UGGT1: variants seen among roughly 807,000 people sequenced by gnomAD.
UGGT1 encodes the protein UDP-glucose:glycoprotein glucosyltransferase 1.
Under a neutral mutation model 203.9 loss-of-function variants are expected in UGGT1, and 107 were observed. The observed-to-expected ratio is 0.52, with a 90% confidence interval of 0.45 to 0.62. The LOEUF is 0.62. Among genes scored for constraint, UGGT1 ranks in the 20% least tolerant of loss-of-function variants. The probability of loss-of-function intolerance (pLI) is 0.00; values close to 1 mark genes in which losing one functional copy is unlikely to be tolerated. For missense variants in UGGT1, 1,673 were observed against 1,867.2 expected (o/e 0.90, Z 1.92); for synonymous variants, 628 against 653.5 (o/e 0.96, Z 0.59).
intron 28 of UGGT1, 45 bp downstream of exon 28, chr2:128,171,329 A>AGAATAT (rs1218875403): frequency 1.9e-6 from 3 of 1,540,678 alleles, no homozygotes; most frequent in Non-Finnish European, 2.7e-6. Flanking sequence ...ATTGTACTGA[A>AGAATAT]TCCAAGTTCT....
chr2:128,131,639 G>A (rs1436607977), intron 13 of UGGT1, among the ~76,000 whole-genome samples: 1 of 151,752 alleles, frequency 6.6e-6, no homozygotes, highest in Admixed American at 6.6e-5. Flanking sequence ...GTTGCATTGC[G>A]TTGTGTTGCA....
chr2:128,173,687 C>A, intron 29 of UGGT1, 94 bp from the exon 30 acceptor site: 1 of 1,367,216 alleles, frequency 7.3e-7, no homozygotes, highest in Non-Finnish European at 1.0e-6. Flanking sequence ...TTATGTAAGT[C>A]CTTTTTGTCT....
chr2:128,091,407 C>T lies in UGGT1; in HGVS notation c.50C>T (p.Pro17Leu), dbSNP rs1244656802. The change falls in exon 1 of 41, where the codon CCG (proline) becomes CTG (leucine). Residue 17 changes from proline to leucine, a missense_variant. This residue lies in a region of UGGT1 where 83 missense variants were observed against 87.2 expected (regional missense o/e 0.95). Transcript: ENST00000259253. ...ASGACAAGAL[P>L]VTGVCYKMGV... ...GGTGCGTGTGCCGCGGGTGCGCTGCCGGTGACAGGTACCCAGGGGTGGCGT... is the reference window on the plus strand; with the variant it reads ...GGTGCGTGTGCCGCGGGTGCGCTGCTGGTGACAGGTACCCAGGGGTGGCGT... 9.5e-6 allele frequency: 15 copies of T among 1,581,636 alleles called. No individual in the cohort carries two copies. Among genetic ancestry groups the T allele is most frequent in the Non-Finnish European group, 1.3e-5 (15 of 1,163,968 alleles).
chr2:128,174,683 T>A, intron 30 of UGGT1, 90 bp from the exon 31 acceptor site: 1 of 1,081,574 alleles, frequency 9.2e-7, no homozygotes, highest in Non-Finnish European at 1.4e-6. Context: ...TTATAGTTGA[T>A]TGATATTTCA....
Position 128,186,814 on chromosome 2 carries a change from G to A in UGGT1, c.4476+15G>A, listed in dbSNP as rs1692003945. On this transcript the variant is annotated intron_variant, in intron 39 of 40. Transcript: ENST00000259253. ...CCATTGATTTGGTAAGCCGTATGTGGTGTGCTTCTGCATGTTCATCCACTG... is the reference window on the plus strand; with the variant it reads ...CCATTGATTTGGTAAGCCGTATGTGATGTGCTTCTGCATGTTCATCCACTG... 1.9e-6 allele frequency: 3 copies of A among 1,584,698 alleles called. No individual in the cohort carries two copies. The highest frequency in any genetic ancestry group is 1.7e-6 in the Non-Finnish European group (2 of 1,157,072).
chr2:128,145,743 T>C, intron 17 of UGGT1, 60 bp from the exon 18 acceptor site: 1 of 1,424,000 alleles, frequency 7.0e-7, no homozygotes, highest in Non-Finnish European at 9.3e-7. Context: ...AAATATGCTG[T>C]GTTCCATTTG....
intron 14 of UGGT1, among the ~76,000 whole-genome samples, chr2:128,133,556 ATTTTTAAT>A (rs1460458246): frequency 2.6e-5 from 4 of 152,308 alleles, no homozygotes; most frequent in East Asian, 3.8e-4. Flanking sequence ...ATTTTAAAAC[ATTTTTAAT>A]TTTTTAATTT....
At position 128,193,500 on chromosome 2, in the gene UGGT1, C is replaced by CT. The variant is rs1299557795; in HGVS notation, c.*3759dup. The CT allele has an allele frequency of 6.6e-6, 1 of 152,362 alleles. No individual in the cohort carries two copies. Among genetic ancestry groups the CT allele is most frequent in the African/African-American group, 2.4e-5 (1 of 41,402 alleles). The allele number at this position is 152,362 out of a possible 1,614,324, so 9.4% of individuals were successfully genotyped here. On this transcript the variant is annotated 3_prime_UTR_variant, in exon 41 of 41. Transcript: ENST00000259253. The stretch of plus-strand genomic sequence containing the variant: ...CAAACTCCTGACCTCAGGTGGTGAT[C>CT]TGCCCACCTCGGCCTCCCAAAGTGC...
intron 2 of UGGT1, among the ~76,000 whole-genome samples, chr2:128,098,452 C>A (rs2105334558): frequency 6.6e-6 from 1 of 152,276 alleles, no homozygotes; most frequent in East Asian, 1.9e-4. Context: ...CTCAATCTTT[C>A]TTTTTAAATG....
At chr2:128,134,673 A>G (rs761895049) in intron 14 of UGGT1, among the ~76,000 whole-genome samples, 10 of 152,230 alleles carry the variant, frequency 6.6e-5, no homozygotes, top group Non-Finnish European at 1.2e-4. Context: ...GCGTAAGTCC[A>G]TGAGAAAATC....
chr2:128,105,907 C>G (rs575160212), intron 3 of UGGT1, among the ~76,000 whole-genome samples: 118 of 152,014 alleles, frequency 7.8e-4, no homozygotes, highest in Non-Finnish European at 1.3e-3. Context: ...AAGCAGTGTT[C>G]CTGCTTCATC....
chr2:128,116,497 C>T (rs1423248002), intron 8 of UGGT1, among the ~76,000 whole-genome samples, 154 bp downstream of exon 8: 1 of 151,958 alleles, frequency 6.6e-6, no homozygotes, highest in Non-Finnish European at 1.5e-5. Context: ...GAGTCAACCA[C>T]TTAGTTTATA....
At chr2:128,187,722 TA>T (rs1692055334) in intron 40 of UGGT1, 108 bp downstream of exon 40, 1 of 1,230,538 alleles carries the variant, frequency 8.1e-7, no homozygotes, top group African/African-American at 1.5e-5. Flanking sequence ...AATCTCCTAT[TA>T]ATCCTTCCAT....
At chr2:128,101,743 T>C (rs1687383689) in intron 2 of UGGT1, among the ~76,000 whole-genome samples, 1 of 152,112 alleles carries the variant, frequency 6.6e-6, no homozygotes, top group Non-Finnish European at 1.5e-5. Flanking sequence ...CGGACACGAG[T>C]AAATATGCCA....
chr2:128,189,354 AGTT>A (rs1334889495), intron 40 of UGGT1, among the ~76,000 whole-genome samples: 17 of 151,076 alleles, frequency 1.1e-4, no homozygotes, highest in African/African-American at 3.2e-4. Flanking sequence ...CATCAAAAAC[AGTT>A]TAAACATCCA....
intron 26 of UGGT1, among the ~76,000 whole-genome samples, chr2:128,165,992 G>A (rs1351395784): frequency 6.6e-6 from 1 of 152,082 alleles, no homozygotes. Context: ...AAACTCCTAG[G>A]CTCAAGTTAT....
At chr2:128,100,091 G>A (rs1019384551) in intron 2 of UGGT1, among the ~76,000 whole-genome samples, 1 of 128,172 alleles carries the variant, frequency 7.8e-6, no homozygotes, top group African/African-American at 3.0e-5. Flanking sequence ...GTTCAGTGGC[G>A]CCATCTTGGC....
Position 128,113,072 on chromosome 2 carries a change from A to G in UGGT1, c.522-12A>G. 1 of 1,458,082 alleles carries G rather than the reference A, an allele frequency of 6.9e-7. No individual in the cohort carries two copies. Among genetic ancestry groups the G allele is most frequent in the Non-Finnish European group, 9.1e-7 (1 of 1,096,936 alleles). The allele number at this position is 1,458,082 out of a possible 1,614,324, so 90.3% of individuals were successfully genotyped here. A position where few individuals can be genotyped will look rare whatever the true frequency, so the allele number is the denominator to read the frequency against. On this transcript the variant is annotated splice_polypyrimidine_tract_variant and intron_variant, in intron 5 of 40. Transcript: ENST00000259253. ...ATTTTTAAAGTTTTGAGCTTTTATTATTTATTTTCAGACCCAAACCTTTAT... is the reference window on the plus strand; with the variant it reads ...ATTTTTAAAGTTTTGAGCTTTTATTGTTTATTTTCAGACCCAAACCTTTAT...
chr2:128,173,841 TACG>T lies in UGGT1; in HGVS notation c.3358_3360del (p.Asp1120del). Reference sequence around the variant, plus strand: ...ATACCTGTTACTGGAAGGTCATTGCTACGACATCACCACAGGCCAGCCTCCACG... The same window carrying T: ...ATACCTGTTACTGGAAGGTCATTGCTACATCACCACAGGCCAGCCTCCACG... On this transcript the variant is annotated inframe_deletion, in exon 30 of 41. Transcript: ENST00000259253. 1 of 1,614,192 alleles carries T rather than the reference TACG, an allele frequency of 6.2e-7. No individual in the cohort carries two copies.
Sources: allele counts gnomAD v4.1 joint callset (sites outside exome capture counted in the v4.1 genomes callset), GRCh38; gene constraint gnomAD v4.1.1; regional missense constraint gnomAD v4.1.1; transcripts MANE v1.5; gene names NCBI Gene and HGNC (gene_info 2026-07-23, HGNC 2026-07-21).